Variants in ANGPT1 observed in about 807,000 individuals in gnomAD.
ANGPT1 encodes the protein angiopoietin-1.
In ANGPT1, 17 loss-of-function variants were observed where a neutral mutation model predicts 62.2. The observed-to-expected ratio is 0.27, with a 90% CI of 0.19 to 0.41. ANGPT1 has a LOEUF of 0.41. Among genes scored for constraint, ANGPT1 ranks in the 10% least tolerant of loss-of-function variants. ANGPT1 has a pLI of 1.00. For missense variants in ANGPT1, 478 were observed against 594.9 expected (o/e 0.80, Z 2.04); for synonymous variants, 199 against 198.9 (o/e 1.00, Z 0.00).
chr8:107,454,038 C>A (rs941931661), intron 1 of ANGPT1, among the ~76,000 whole-genome samples: 1 of 152,002 alleles, frequency 6.6e-6, no homozygotes, highest in Non-Finnish European at 1.5e-5. Flanking sequence ...AAGATTTTCT[C>A]ATTTTTCAGT....
rs1231039838 is a variant in ANGPT1 at position 107,284,804 on chromosome 8, A to T, written c.1083T>A (p.Phe361Leu). The change falls in exon 7 of 9, where the codon TTT becomes TTA. Residue 361 changes from phenylalanine to leucine, a missense_variant. Transcript: ENST00000517746. The stretch of plus-strand genomic sequence containing the variant: ...GCCTCTGACTGGTAATGGCAAAAAT[A>T]AACTCATTCCCCAGCCAATATTCAC... ...PSGEYWLGNE[F>L]IFAITSQRQY... 1 of 1,609,072 alleles carries T rather than the reference A, an allele frequency of 6.2e-7. No homozygotes were observed. Among genetic ancestry groups the T allele is most frequent in the Non-Finnish European group, 8.5e-7 (1 of 1,176,698 alleles).
chr8:107,421,908 C>T (rs2130381099), intron 1 of ANGPT1, among the ~76,000 whole-genome samples: 1 of 152,248 alleles, frequency 6.6e-6, no homozygotes, highest in Non-Finnish European at 1.5e-5. Flanking sequence ...TGATTTTTCT[C>T]TGGGACATTA....
At position 107,428,964 on chromosome 8, in the gene ANGPT1, A is replaced by C. The variant is rs560712906; in HGVS notation, c.297+68298T>G. ...AAAATTTGAGTTTATTTCCAAATAC[A>C]CTAGGAACAATTCTTTTGGACAAGA... On this transcript the variant is annotated intron_variant, in intron 1 of 8. Transcript: ENST00000517746. 3.9e-5 allele frequency among the ~76,000 whole-genome samples: 6 copies of C among 152,316 alleles called. No individual in the cohort carries two copies. In the South Asian group the frequency reaches 1.0e-3, roughly 26 times the overall value.
intron 1 of ANGPT1, among the ~76,000 whole-genome samples, chr8:107,432,102 T>C (rs916362656): frequency 6.6e-6 from 1 of 151,884 alleles, no homozygotes; most frequent in Non-Finnish European, 1.5e-5. Flanking sequence ...AGAATTGATA[T>C]TTGAGGGATT....
intron 1 of ANGPT1, among the ~76,000 whole-genome samples, chr8:107,426,189 G>C (rs1269262501): frequency 2.0e-5 from 3 of 152,094 alleles, no homozygotes; most frequent in African/African-American, 4.8e-5. Context: ...GGACACAAAG[G>C]GGCCTGTGCG....
At chr8:107,351,918 G>A (rs145865027) in intron 1 of ANGPT1, among the ~76,000 whole-genome samples, 241 of 152,252 alleles carry the variant, frequency 1.6e-3, no homozygotes, top group African/African-American at 5.7e-3. Flanking sequence ...CAAATACGCA[G>A]TTCATTGAAT....
intron 1 of ANGPT1, among the ~76,000 whole-genome samples, chr8:107,460,901 T>C (rs1812053511): frequency 6.6e-6 from 1 of 152,130 alleles, no homozygotes; most frequent in African/African-American, 2.4e-5. Context: ...TCTTCGACCT[T>C]TTGTTAGATT....
intron 8 of ANGPT1, among the ~76,000 whole-genome samples, chr8:107,255,113 C>G (rs1190549068): frequency 6.6e-6 from 1 of 152,012 alleles, no homozygotes; most frequent in East Asian, 1.9e-4. Flanking sequence ...GTGTAGGAGA[C>G]AAACAAAATG....
chr8:107,383,605 A>G (rs935600759), intron 1 of ANGPT1, among the ~76,000 whole-genome samples: 28 of 152,286 alleles, frequency 1.8e-4, no homozygotes, highest in Non-Finnish European at 4.1e-4. Flanking sequence ...ACCGACACAC[A>G]ACACCTTTTT....
At chr8:107,330,027 G>A (rs1236535370) in intron 3 of ANGPT1, among the ~76,000 whole-genome samples, 2 of 152,066 alleles carry the variant, frequency 1.3e-5, no homozygotes, top group Non-Finnish European at 2.9e-5. Flanking sequence ...GAGACGGACT[G>A]TTAGAGAAGC....
intron 1 of ANGPT1, among the ~76,000 whole-genome samples, chr8:107,466,183 A>G (rs969539191): frequency 6.6e-6 from 1 of 152,168 alleles, no homozygotes; most frequent in South Asian, 2.1e-4. Flanking sequence ...TTAAATATCC[A>G]TTTACTGAGT....
intron 1 of ANGPT1, among the ~76,000 whole-genome samples, chr8:107,430,306 G>C (rs1301576844): frequency 6.6e-6 from 1 of 152,144 alleles, no homozygotes; most frequent in East Asian, 1.9e-4. Context: ...ATGAGAGAAT[G>C]TTTGCGTGGT....
At chr8:107,467,549 A>G (rs1336419075) in intron 1 of ANGPT1, among the ~76,000 whole-genome samples, 1 of 152,118 alleles carries the variant, frequency 6.6e-6, no homozygotes, top group Admixed American at 6.6e-5. Flanking sequence ...ATCCAGTGGT[A>G]TGATAAAGCT....
intron 8 of ANGPT1, among the ~76,000 whole-genome samples, chr8:107,262,077 C>A (rs1813505327): frequency 6.6e-6 from 1 of 152,058 alleles, no homozygotes; most frequent in African/African-American, 2.4e-5. Context: ...CACCTGTAGT[C>A]CCAGCTACTC....
intron 5 of ANGPT1, among the ~76,000 whole-genome samples, chr8:107,299,338 G>A (rs1259093965): frequency 6.9e-6 from 1 of 145,906 alleles, no homozygotes; most frequent in Non-Finnish European, 1.5e-5. Context: ...CTAAAGTAGG[G>A]ATAATGGGAG....
chr8:107,272,608 G>A (rs1186015658), intron 7 of ANGPT1, among the ~76,000 whole-genome samples: 2 of 151,826 alleles, frequency 1.3e-5, no homozygotes, highest in Non-Finnish European at 2.9e-5. Flanking sequence ...TAGACATGAA[G>A]CTTGCATATG....
chr8:107,398,229 C>A (rs73311672), intron 1 of ANGPT1, among the ~76,000 whole-genome samples: 3,756 of 152,190 alleles, frequency 0.025, 145 homozygotes, highest in African/African-American at 0.081. Flanking sequence ...GACTTTGATT[C>A]CATTGAAAAT....
At chr8:107,270,556 A>G (rs984935241) in intron 7 of ANGPT1, among the ~76,000 whole-genome samples, 1 of 151,910 alleles carries the variant, frequency 6.6e-6, no homozygotes. Context: ...CAACCTCTCC[A>G]ATCCTACCCC....
chr8:107,299,391 G>GTGTATA (rs71562137), intron 5 of ANGPT1, among the ~76,000 whole-genome samples: 2 of 112,598 alleles, frequency 1.8e-5, no homozygotes, highest in East Asian at 3.3e-4. Flanking sequence ...ATGAAGGAGT[G>GTGTATA]TATATATATA....
Sources: gnomAD v4.1 joint callset for allele counts (sites outside exome capture counted in the v4.1 genomes callset) on GRCh38, gnomAD v4.1.1 for gene constraint, MANE v1.5 for transcripts, NCBI Gene and HGNC (gene_info 2026-07-23, HGNC 2026-07-21) for gene names.